The following ASPHD2 variants were observed in gnomAD, a reference collection of about 807,000 sequenced individuals.
ASPHD2 encodes the protein aspartate beta-hydroxylase domain-containing protein 2.
Under a neutral mutation model 34.6 loss-of-function variants are expected in ASPHD2, and 12 were observed. That is an observed-to-expected ratio of 0.35 (90% CI 0.22 to 0.56). The LOEUF (loss-of-function observed/expected upper bound fraction) is 0.56, where lower values mean the gene tolerates loss of function less well. Ranked by LOEUF, ASPHD2 falls within the 20% of genes least tolerant of loss-of-function variation. The pLI is 0.87. For synonymous variants in ASPHD2, 224 were observed against 212.2 expected (o/e 1.06, Z -0.48); for missense variants, 375 against 505.0 (o/e 0.74, Z 2.47).
chr22:26,435,856 T>C (rs1437465335), intron 2 of ASPHD2, among the ~76,000 whole-genome samples: 1 of 152,174 alleles, frequency 6.6e-6, no homozygotes, highest in Non-Finnish European at 1.5e-5. Flanking sequence ...CCTGAATTCC[T>C]GGTCAGCAGT....
chr22:26,433,935 A>G lies in ASPHD2; in HGVS notation c.320A>G (p.Tyr107Cys). The G allele has an allele frequency of 6.2e-7, 1 of 1,613,544 alleles. No homozygotes were observed. Among genetic ancestry groups the G allele is most frequent in the Non-Finnish European group, 8.5e-7 (1 of 1,180,032 alleles). Residue 107 changes from tyrosine to cysteine, a missense_variant, in exon 2 of 4, where the codon TAC becomes TGC. Physicochemically the swap from Tyr to Cys is radical, Grantham distance 194. Transcript: ENST00000215906. The surrounding 1 kb of genome is among the most constrained non-coding windows in gnomAD (Gnocchi z 5.1). ...AACGGGCTGCAGAATGGCTACGTGT[A>G]CTGCCAGTCCCCTGAGTGCGTGCGC... is the stretch of plus-strand genomic sequence containing the variant. ...DANGLQNGYV[Y>C]CQSPECVRCT...
In ASPHD2 at chr22:26,433,719, G is replaced by A. The variant is rs1568981747; in HGVS notation, c.104G>A (p.Trp35Ter). The stretch of plus-strand genomic sequence containing the variant: ...ATGTCGCTCGAGTGGCTGGTGGCCT[G>A]GAGCTGGTCGCTGGATGGCCTGAGG... ...PKMSLEWLVA[W>*]SWSLDGLRDC... The change falls in exon 2 of 4, where the codon TGG (tryptophan) becomes TAG (stop). Residue 35 changes from tryptophan to a stop codon, truncating the protein, a stop_gained. Coordinates refer to ENST00000215906, the MANE Select transcript of ASPHD2 (RefSeq NM_020437.5). LOFTEE classifies it high-confidence loss of function. The surrounding 1 kb of genome is among the most constrained non-coding windows in gnomAD (Gnocchi z 5.1). 1 of 1,613,794 alleles carries A rather than the reference G, an allele frequency of 6.2e-7. No individual in the cohort carries two copies. Among genetic ancestry groups the A allele is most frequent in the Non-Finnish European group, 8.5e-7 (1 of 1,180,034 alleles).
intron 2 of ASPHD2, among the ~76,000 whole-genome samples, chr22:26,438,308 C>G (rs2084805382): frequency 6.6e-6 from 1 of 152,100 alleles, no homozygotes; most frequent in Admixed American, 6.6e-5. Context: ...AGTGGGAAAT[C>G]ATGGCTTCTG....
At position 26,440,043 on chromosome 22, in the gene ASPHD2, G is replaced by A. The variant is rs537255963; in HGVS notation, c.887-2416G>A. On this transcript the variant is annotated intron_variant, in intron 2 of 3. Transcript: ENST00000215906. ...TCACAGTGAGTCACTGAAGACAGAT[G>A]AGACCACCACCCATCCCAGCTCCTC... Among the ~76,000 whole-genome samples, 4 of 152,332 alleles carry A rather than the reference G, an allele frequency of 2.6e-5. No homozygotes were observed. The South Asian group carries it at 8.3e-4, about 32-fold the overall frequency.
chr22:26,437,044 G>A (rs2084797060), intron 2 of ASPHD2, among the ~76,000 whole-genome samples: 1 of 152,160 alleles, frequency 6.6e-6, no homozygotes, highest in African/African-American at 2.4e-5. Flanking sequence ...CGAGCTCCCT[G>A]GTTGGGTTTT....
chr22:26,438,083 G>A (rs1044174986), intron 2 of ASPHD2, among the ~76,000 whole-genome samples: 1 of 152,136 alleles, frequency 6.6e-6, no homozygotes, highest in African/African-American at 2.4e-5. Context: ...CTATCGCACC[G>A]TGGCACGTGG....
At chr22:26,436,118 T>C (rs759659185) in intron 2 of ASPHD2, among the ~76,000 whole-genome samples, 6 of 151,946 alleles carry the variant, frequency 3.9e-5, no homozygotes, top group Admixed American at 2.0e-4. Flanking sequence ...CAGGAAACAG[T>C]GGGAAAGGAA....
intron 2 of ASPHD2, among the ~76,000 whole-genome samples, chr22:26,436,767 T>C (rs940015607): frequency 6.6e-6 from 1 of 152,146 alleles, no homozygotes; most frequent in African/African-American, 2.4e-5. Context: ...GAGTAGGAAG[T>C]GATGGTAGCA....
rs763114429 is a variant in ASPHD2 at position 26,433,690 on chromosome 22, C to T, written c.75C>T (p.Pro25=). 3 of 1,614,146 alleles carry T rather than the reference C, an allele frequency of 1.9e-6. No homozygotes were observed. The South Asian group carries it at 3.3e-5, about 18-fold the overall frequency. ...TLLHTPSKDS[P]KMSLEWLVAW... is the part of the protein sequence containing the mutation. Reference sequence around the variant, plus strand: ...TTCACACGCCCAGTAAGGACTCCCCCAAGATGTCGCTCGAGTGGCTGGTGG... The same window carrying T: ...TTCACACGCCCAGTAAGGACTCCCCTAAGATGTCGCTCGAGTGGCTGGTGG... The change falls in exon 2 of 4, where the codon CCC becomes CCT. Residue 25 remains proline (P), a synonymous_variant. Coordinates refer to ENST00000215906, the MANE Select transcript of ASPHD2 (RefSeq NM_020437.5). The surrounding 1 kb of genome is among the most constrained non-coding windows in gnomAD (Gnocchi z 5.1).
In ASPHD2 at chr22:26,433,876, C is replaced by G. The variant is rs777503190; in HGVS notation, c.261C>G (p.Val87=). Residue 87 remains valine (V), a synonymous_variant, in exon 2 of 4, where the codon GTC becomes GTG. Transcript: ENST00000215906. This position sits in a 1 kb window ranked among gnomAD's most constrained non-coding sequence, Gnocchi z 5.1. ...GCAGGGAGCAGCCCCGGCCCTACGTCTCCGTCAACTCCCTCATGCAGGCTG... is the reference window on the plus strand; with the variant it reads ...GCAGGGAGCAGCCCCGGCCCTACGTGTCCGTCAACTCCCTCATGCAGGCTG... The part of the protein sequence containing the change: ...HVGREQPRPY[V]SVNSLMQAAD... 10 of 1,613,734 alleles carry G rather than the reference C, an allele frequency of 6.2e-6. No homozygotes were observed.
Position 26,434,327 on chromosome 22 carries a change from G to A in ASPHD2, c.712G>A (p.Val238Ile). Residue 238 changes from valine (V) to isoleucine (I), a missense_variant, in exon 2 of 4, where the codon GTT becomes ATT. Around this residue, in one of 3 missense-constraint regions of ASPHD2, gnomAD observed 142 missense variants for 217.9 expected, o/e 0.65. Transcript: ENST00000215906. ...CACCTTTTACTTGGTCAATCAGGGGGTTTGTGTTCCCAGGAACTGTAGGAA... is the reference window on the plus strand; with the variant it reads ...CACCTTTTACTTGGTCAATCAGGGGATTTGTGTTCCCAGGAACTGTAGGAA... ...WFTFYLVNQGVCVPRNCRKCP... is the reference protein window; with the variant it reads ...WFTFYLVNQGICVPRNCRKCP... 2 of 1,614,198 alleles carry A rather than the reference G, an allele frequency of 1.2e-6. No individual in the cohort carries two copies. The highest frequency in any genetic ancestry group is 2.2e-5 in the East Asian group (1 of 44,878).
chr22:26,433,774 G>A lies in ASPHD2; in HGVS notation c.159G>A (p.Val53=). ...RDCIATGIQS[V]RDCDTTAVIT... The stretch of plus-strand genomic sequence containing the variant: ...GCATCGCCACCGGCATCCAGTCCGT[G>A]CGGGACTGCGACACCACCGCTGTCA... Residue 53 remains valine (V), a synonymous_variant, in exon 2 of 4, where the codon GTG becomes GTA. Transcript: ENST00000215906. This position sits in a 1 kb window ranked among gnomAD's most constrained non-coding sequence, Gnocchi z 5.1. 2.5e-6 allele frequency: 4 copies of A among 1,613,858 alleles called. No individual in the cohort carries two copies. Among genetic ancestry groups the A allele is most frequent in the Non-Finnish European group, 3.4e-6 (4 of 1,180,032 alleles).
intron 2 of ASPHD2, among the ~76,000 whole-genome samples, chr22:26,436,419 C>T (rs919119711): frequency 4.6e-5 from 7 of 152,158 alleles, no homozygotes; most frequent in Non-Finnish European, 1.0e-4. Context: ...TGGCTGCAGA[C>T]GGGGTGCCCT....
chr22:26,441,277 G>C (rs576582943), intron 2 of ASPHD2, among the ~76,000 whole-genome samples: 22 of 151,936 alleles, frequency 1.4e-4, no homozygotes, highest in Middle Eastern at 3.4e-3. Flanking sequence ...AGGAGTTCGA[G>C]ACCAGCCCGG....
chr22:26,442,046 C>T (rs1353560396), intron 2 of ASPHD2, among the ~76,000 whole-genome samples: 4 of 141,014 alleles, frequency 2.8e-5, no homozygotes, highest in Admixed American at 1.5e-4. Flanking sequence ...GTGGAGGTTG[C>T]GGTGAGCCGA....
At chr22:26,432,648 G>A (rs957133343) in intron 1 of ASPHD2, among the ~76,000 whole-genome samples, 1 of 152,142 alleles carries the variant, frequency 6.6e-6, no homozygotes, top group African/African-American at 2.4e-5. Flanking sequence ...TGTCAGCTGT[G>A]GGAAACTGAG....
intron 1 of ASPHD2, among the ~76,000 whole-genome samples, chr22:26,430,832 G>C (rs768468051): frequency 2.0e-5 from 3 of 152,200 alleles, no homozygotes; most frequent in South Asian, 2.1e-4. Context: ...TGAAGCTGGG[G>C]TTCAGAATCT....
chr22:26,442,585 CT>C lies in ASPHD2; in HGVS notation c.1000+16del. 1.3e-6 allele frequency: 2 copies of C among 1,543,772 alleles called. No individual in the cohort carries two copies. Among genetic ancestry groups the C allele is most frequent in the Non-Finnish European group, 1.8e-6 (2 of 1,135,538 alleles). On this transcript the variant is annotated intron_variant, in intron 3 of 3. Transcript: ENST00000215906. ...GCGTTCCATGAAGGTGAGTGGCTGC[CT>C]TTCCCACTTCCTTTTTTTCAATGAA...
chr22:26,433,514 A>G lies in ASPHD2; in HGVS notation c.-102A>G. 4.5e-6 allele frequency: 4 copies of G among 895,274 alleles called. No individual in the cohort carries two copies. Among genetic ancestry groups the G allele is most frequent in the East Asian group, 5.3e-5 (2 of 37,728 alleles). 55.5% of individuals were successfully genotyped at this position (895,274 alleles called of 1,614,324 possible). A position where few individuals can be genotyped will look rare whatever the true frequency, so the allele number is the denominator to read the frequency against. ...GGAAAGTGGAGCAGTGGGCACGGCC[A>G]ACCTTGTCGTTCATCAATGCCGCCC... On this transcript the variant is annotated 5_prime_UTR_variant, in exon 2 of 4. Coordinates refer to ENST00000215906, the MANE Select transcript of ASPHD2 (RefSeq NM_020437.5). This position sits in a 1 kb window ranked among gnomAD's most constrained non-coding sequence, Gnocchi z 5.1.
Sources: allele counts gnomAD v4.1 joint callset (sites outside exome capture counted in the v4.1 genomes callset), GRCh38; gene constraint gnomAD v4.1.1; regional missense constraint gnomAD v4.1.1; non-coding constraint Gnocchi (gnomAD v3.1); transcripts MANE v1.5; gene names NCBI Gene and HGNC (gene_info 2026-07-23, HGNC 2026-07-21).